The following PHACTR2 variants were observed in gnomAD, a reference collection of about 807,000 sequenced individuals.
PHACTR2 encodes chromosome 6 open reading frame 56.
PHACTR2 carries 30 observed loss-of-function variants against 76.0 expected under a neutral mutation model. The observed-to-expected ratio is 0.39, with a 90% confidence interval of 0.30 to 0.54. PHACTR2 has a LOEUF of 0.54. PHACTR2 is among the 20% of genes least tolerant of loss of function. The pLI, the probability that PHACTR2 is intolerant of heterozygous loss-of-function variation, is 0.61. For synonymous variants in PHACTR2, 292 were observed against 292.5 expected (o/e 1.00, Z 0.02); for missense variants, 696 against 781.1 (o/e 0.89, Z 1.30).
At chr6:143,724,140 TTTG>T (rs1778504772) in intron 2 of PHACTR2, among the ~76,000 whole-genome samples, 1 of 151,830 alleles carries the variant, frequency 6.6e-6, no homozygotes, top group Non-Finnish European at 1.5e-5. Flanking sequence ...TTTTTGTTTG[TTTG>T]TTGTTGTTTT....
intron 2 of PHACTR2, among the ~76,000 whole-genome samples, chr6:143,719,844 TCA>T (rs1482851193): frequency 8.5e-6 from 1 of 117,814 alleles, no homozygotes; most frequent in African/African-American, 3.5e-5. Context: ...AGACAGAGTC[TCA>T]CTCTCGCCCA....
rs767272773 is a variant in PHACTR2, at chr6:143,772,245, C to T, written c.1233-13C>T. ...AGCTTCACATCACTCCCATGCTTTT[C>T]TGCCTTTAACAGTTTCACAACCAAA... On this transcript the variant is annotated splice_polypyrimidine_tract_variant and intron_variant, in intron 6 of 12. Coordinates refer to ENST00000440869, the MANE Select transcript of PHACTR2 (RefSeq NM_001100164.2). The surrounding 1 kb of genome is among the most constrained non-coding windows in gnomAD (Gnocchi z 5.4). The T allele has an allele frequency of 3.1e-5, 49 of 1,605,836 alleles. No homozygotes were observed. The highest frequency in any genetic ancestry group is 4.2e-5 in the Non-Finnish European group (49 of 1,172,672).
chr6:143,542,834 T>C (rs1781183520), intron 1 of PHACTR2, among the ~76,000 whole-genome samples: 1 of 152,218 alleles, frequency 6.6e-6, no homozygotes, highest in Non-Finnish European at 1.5e-5. Flanking sequence ...TCTGGATTTG[T>C]TGCCTTTGAT....
At position 143,679,450 on chromosome 6, in the gene PHACTR2, A is replaced by T. The variant is rs1777333430; in HGVS notation, c.46+1241A>T. 6.6e-6 allele frequency among the ~76,000 whole-genome samples: 1 copy of T among 152,150 alleles called. No homozygotes were observed. Among genetic ancestry groups the T allele is most frequent in the African/African-American group, 2.4e-5 (1 of 41,444 alleles). ...CGGGGAGGGGTTGAGTAGGATTTTA[A>T]ATTTAGTAAACTATTTTGTGCAAAT... On this transcript the variant is annotated intron_variant, in intron 1 of 12. Transcript: ENST00000440869. This position sits in a 1 kb window ranked among gnomAD's most constrained non-coding sequence, Gnocchi z 4.6.
At position 143,537,883 on chromosome 6, in the gene PHACTR2, G is replaced by A. The variant is rs1303207711; in HGVS notation, c.217+676G>A. Among the ~76,000 whole-genome samples, 2 of 152,212 alleles carry A rather than the reference G, an allele frequency of 1.3e-5. No homozygotes were observed. Among genetic ancestry groups the A allele is most frequent in the African/African-American group, 4.8e-5 (2 of 41,456 alleles). ...AGCTTTGGGAGGCCCAAGGCCGGCC[G>A]ATCACTTGAGGTCAAAAGTTCGAGA... On this transcript the variant is annotated intron_variant, in intron 1 of 11. Coordinates refer to the PHACTR2 transcript ENST00000367584. The surrounding 1 kb of genome is among the most constrained non-coding windows in gnomAD (Gnocchi z 4.4).
Position 143,760,291 on chromosome 6 carries a change from C to A in PHACTR2, c.455-110C>A. On this transcript the variant is annotated intron_variant, in intron 4 of 12. Coordinates refer to ENST00000440869, the MANE Select transcript of PHACTR2 (RefSeq NM_001100164.2). The surrounding 1 kb of genome is among the most constrained non-coding windows in gnomAD (Gnocchi z 6.4). ...TCTGGTGCAGAACTCCATGCTGATT[C>A]TCAAGTACCAAGCAGACACGCTTTG... The A allele has an allele frequency of 2.1e-6, 2 of 968,996 alleles. No homozygotes were observed. Among genetic ancestry groups the A allele is most frequent in the Non-Finnish European group, 3.1e-6 (2 of 652,766 alleles). 60.0% of individuals were successfully genotyped at this position (968,996 alleles called of 1,614,324 possible).
upstream of PHACTR2, among the ~76,000 whole-genome samples, chr6:143,604,388 T>C (rs1179880795): frequency 4.6e-5 from 7 of 152,196 alleles, no homozygotes; most frequent in African/African-American, 1.4e-4. Flanking sequence ...TAAAACTATG[T>C]TCTTTTTAGC....
At position 143,663,842 on chromosome 6, in the gene PHACTR2, T is replaced by C. The variant is rs182436095; in HGVS notation, c.14-48174T>C. On this transcript the variant is annotated intron_variant, in intron 1 of 11. Coordinates refer to the PHACTR2 transcript ENST00000305766. The surrounding 1 kb of genome is among the most constrained non-coding windows in gnomAD (Gnocchi z 4.1). ...TTAAAATTTATTGAGATTTCTGTTA[T>C]GATCTAGTGTTAAATCAATGTACAG... Among the ~76,000 whole-genome samples, 1 of 152,216 alleles carries C rather than the reference T, an allele frequency of 6.6e-6. No homozygotes were observed. Among genetic ancestry groups the C allele is most frequent in the Admixed American group, 6.5e-5 (1 of 15,284 alleles).
chr6:143,756,492 G>A (rs1337798903), intron 4 of PHACTR2, among the ~76,000 whole-genome samples: 3 of 150,888 alleles, frequency 2.0e-5, no homozygotes, highest in East Asian at 4.0e-4. Flanking sequence ...TCAGGAGATC[G>A]AGACCATCCT....
chr6:143,718,222 T>C (rs946767306), intron 2 of PHACTR2, among the ~76,000 whole-genome samples: 3 of 152,254 alleles, frequency 2.0e-5, no homozygotes, highest in African/African-American at 7.2e-5. Flanking sequence ...CTAATTTTTA[T>C]TGAATGCTGT....
intron 2 of PHACTR2, among the ~76,000 whole-genome samples, chr6:143,746,647 T>C (rs1779073025): frequency 1.3e-5 from 2 of 152,134 alleles, no homozygotes; most frequent in Admixed American, 1.3e-4. Context: ...TTACAATCCG[T>C]AGGAGGCTGC....
At position 143,787,593 on chromosome 6, in the gene PHACTR2, A is replaced by G. The variant is rs1775584066; in HGVS notation, c.1708-1180A>G. Among the ~76,000 whole-genome samples the G allele has an allele frequency of 6.6e-6, 1 of 152,164 alleles. No individual in the cohort carries two copies. The highest frequency in any genetic ancestry group is 1.5e-5 in the Non-Finnish European group (1 of 68,022). ...GCCCAGGAAAGGGCTGTTAATGACTACAGAATGTAGACCCAGTGCAAAATA... is the reference window on the plus strand; with the variant it reads ...GCCCAGGAAAGGGCTGTTAATGACTGCAGAATGTAGACCCAGTGCAAAATA... On this transcript the variant is annotated intron_variant, in intron 10 of 12. Coordinates refer to ENST00000440869, the MANE Select transcript of PHACTR2 (RefSeq NM_001100164.2). The surrounding 1 kb of genome is among the most constrained non-coding windows in gnomAD (Gnocchi z 4.6).
rs552342658 is a variant in PHACTR2, at chr6:143,795,281, G to A, written c.1845+6371G>A. Among the ~76,000 whole-genome samples the A allele has an allele frequency of 5.9e-5, 9 of 152,106 alleles. No homozygotes were observed. Among genetic ancestry groups the A allele is most frequent in the Non-Finnish European group, 1.3e-4 (9 of 68,012 alleles). On this transcript the variant is annotated intron_variant, in intron 11 of 12. Transcript: ENST00000440869. This position sits in a 1 kb window ranked among gnomAD's most constrained non-coding sequence, Gnocchi z 4.8. ...CTAAAAAAATTAGCCAGGTGTGGTG[G>A]CACACCCATGTATTCCTACCTACTT...
chr6:143,811,841 A>G lies in PHACTR2; in HGVS notation c.1922+4708A>G, dbSNP rs151206616. On this transcript the variant is annotated intron_variant, in intron 12 of 12. Transcript: ENST00000440869. The surrounding 1 kb of genome is among the most constrained non-coding windows in gnomAD (Gnocchi z 4.1). ...TACTCTTTCTAATAAAAATAATACA[A>G]AAACATGATCCAGTTTTACATTTAG... Among the ~76,000 whole-genome samples, 112 of 152,338 alleles carry G rather than the reference A, an allele frequency of 7.4e-4. 1 individual carries two copies. The highest frequency in any genetic ancestry group is 2.6e-3 in the African/African-American group (108 of 41,580).
In PHACTR2 at chr6:143,539,011, A is replaced by G. The variant is rs1781147580; in HGVS notation, c.217+1804A>G. On this transcript the variant is annotated intron_variant, in intron 1 of 11. Transcript: ENST00000367584. The surrounding 1 kb of genome is among the most constrained non-coding windows in gnomAD (Gnocchi z 4.3). ...CAAAGATTAACTGTTCAGAGACTCT[A>G]AAGAGACCACTGAGAATTCACCTAG... 2.6e-5 allele frequency among the ~76,000 whole-genome samples: 4 copies of G among 152,232 alleles called. No homozygotes were observed. The highest frequency in any genetic ancestry group is 5.9e-5 in the Non-Finnish European group (4 of 68,048).
intron 1 of PHACTR2, among the ~76,000 whole-genome samples, chr6:143,660,287 C>G (rs1294737677): frequency 2.0e-5 from 3 of 151,514 alleles, no homozygotes; most frequent in African/African-American, 7.3e-5. Flanking sequence ...TTCTACATGG[C>G]TAAGGAGGCC....
At position 143,828,727 on chromosome 6, in the gene PHACTR2, G is replaced by C. The variant is rs954618979; in HGVS notation, c.*5038G>C. On this transcript the variant is annotated 3_prime_UTR_variant, in exon 13 of 13. Coordinates refer to ENST00000440869, the MANE Select transcript of PHACTR2 (RefSeq NM_001100164.2). This position sits in a 1 kb window ranked among gnomAD's most constrained non-coding sequence, Gnocchi z 4.7. ...ACTGTTGGTCTGTGTTTCTCAGTGG[G>C]GGTACTCTTGGCATTTGGAGCTGGA... 6.6e-6 allele frequency: 1 copy of C among 152,136 alleles called. No individual in the cohort carries two copies. Among genetic ancestry groups the C allele is most frequent in the East Asian group, 1.9e-4 (1 of 5,202 alleles). The allele number at this position is 152,136 out of a possible 1,614,324, so 9.4% of individuals were successfully genotyped here. A position where few individuals can be genotyped will look rare whatever the true frequency, so the allele number is the denominator to read the frequency against.
chr6:143,608,447 G>A lies in PHACTR2; in HGVS notation c.13+125G>A, dbSNP rs1471946583. 6.7e-6 allele frequency: 6 copies of A among 893,688 alleles called. No homozygotes were observed. Among genetic ancestry groups the A allele is most frequent in the South Asian group, 1.4e-5 (1 of 71,492 alleles). 55.4% of individuals were successfully genotyped at this position (893,688 alleles called of 1,614,324 possible). On this transcript the variant is annotated intron_variant, in intron 1 of 11. Transcript: ENST00000305766. The surrounding 1 kb of genome is among the most constrained non-coding windows in gnomAD (Gnocchi z 4.6). ...ACTTAAATGTTCAAGACTGAGACGC[G>A]TGTAATATGTGAACCCCGATGCATT...
chr6:143,736,055 T>TTC (rs1209690998), intron 2 of PHACTR2, among the ~76,000 whole-genome samples: 1 of 152,302 alleles, frequency 6.6e-6, no homozygotes, highest in South Asian at 2.1e-4. Flanking sequence ...TATAGACACG[T>TTC]TCTCTCTCTG....
Sources: gnomAD v4.1 joint callset for allele counts (sites outside exome capture counted in the v4.1 genomes callset) on GRCh38, gnomAD v4.1.1 for gene constraint, Gnocchi (gnomAD v3.1) non-coding constraint, MANE v1.5 for transcripts, NCBI Gene and HGNC (gene_info 2026-07-23, HGNC 2026-07-21) for gene names.